Variants in PTBP3 observed in about 807,000 individuals in gnomAD.
PTBP3 encodes the protein polypyrimidine tract binding protein 3.
In PTBP3, 20 loss-of-function variants were observed where a neutral mutation model predicts 58.7. The observed-to-expected ratio is 0.34, with a 90% CI of 0.24 to 0.50. The LOEUF is 0.50. PTBP3 is among the 20% of genes least tolerant of loss of function. PTBP3 has a pLI of 0.98. For synonymous variants in PTBP3, 185 were observed against 219.8 expected (o/e 0.84, Z 1.40); for missense variants, 509 against 637.2 (o/e 0.80, Z 2.17).
chr9:112,355,285 C>T, the PTBP3 span, among the ~76,000 whole-genome samples: 1 of 152,138 alleles, frequency 6.6e-6, no homozygotes, highest in East Asian at 1.9e-4. Context: ...CATCAATGCT[C>T]TGAGAAAGAA....
the PTBP3 span, among the ~76,000 whole-genome samples, chr9:112,346,761 T>C: frequency 0.37 from 55,920 of 151,858 alleles, 10,485 homozygotes; most frequent in South Asian, 0.44. Context: ...CAGAGTCTCT[T>C]GATCTGTCAC....
chr9:112,244,291 A>C (rs1835786505), intron 7 of PTBP3, among the ~76,000 whole-genome samples: 1 of 132,444 alleles, frequency 7.6e-6, no homozygotes, highest in Non-Finnish European at 1.6e-5. Context: ...CTCTGTCTCA[A>C]AAAAAAAAAA....
At chr9:112,297,980 A>C in intron 1 of PTBP3, 64 bp from the exon 2 acceptor site, 2 of 1,275,814 alleles carry the variant, frequency 1.6e-6, no homozygotes, top group Non-Finnish European at 2.3e-6. Flanking sequence ...ATATTTACTA[A>C]AAGTATTAAA....
rs1242198772 is a variant in PTBP3, at chr9:112,221,364, T to A, written c.*2487A>T. 1.0e-6 allele frequency: 1 copy of A among 985,716 alleles called. No individual in the cohort carries two copies. Among genetic ancestry groups the A allele is most frequent in the Admixed American group, 6.2e-5 (1 of 16,260 alleles). The allele number at this position is 985,716 out of a possible 1,614,324, so 61.1% of individuals were successfully genotyped here. On this transcript the variant is annotated 3_prime_UTR_variant, in exon 14 of 14. Coordinates refer to ENST00000374257, the MANE Select transcript of PTBP3 (RefSeq NM_001163788.4). ...CTCTCAGACTTAAAAGGCCATTCCCTACTTCAAAGTTACATTCAACACCAC... is the reference window on the plus strand; with the variant it reads ...CTCTCAGACTTAAAAGGCCATTCCCAACTTCAAAGTTACATTCAACACCAC...
intron 3 of PTBP3, among the ~76,000 whole-genome samples, chr9:112,270,604 G>A (rs930687733): frequency 6.6e-6 from 1 of 152,026 alleles, no homozygotes; most frequent in African/African-American, 2.4e-5. Context: ...TAAAATAATG[G>A]GAAACCATGC....
chr9:112,352,891 T>G, the PTBP3 span, among the ~76,000 whole-genome samples: 2 of 152,164 alleles, frequency 1.3e-5, no homozygotes, highest in Admixed American at 6.5e-5. Context: ...TACCAATTAA[T>G]GACTTTCTTT....
At chr9:112,355,610 GAACTCT>G in the PTBP3 span, among the ~76,000 whole-genome samples, 1 of 150,676 alleles carries the variant, frequency 6.6e-6, no homozygotes, top group African/African-American at 2.4e-5. Context: ...AAATGGCTAA[GAACTCT>G]TTTTCTTTTT....
intron 1 of PTBP3, among the ~76,000 whole-genome samples, chr9:112,315,549 T>C (rs558253091): frequency 2.0e-5 from 3 of 152,244 alleles, no homozygotes; most frequent in South Asian, 4.1e-4. Flanking sequence ...TGAGCTATGA[T>C]AGCGCCACTG....
intron 1 of PTBP3, among the ~76,000 whole-genome samples, chr9:112,319,742 T>G (rs1829845803): frequency 6.6e-6 from 1 of 152,196 alleles, no homozygotes; most frequent in Non-Finnish European, 1.5e-5. Flanking sequence ...CATTGCAGAA[T>G]TATTCACAAT....
At chr9:112,350,074 TA>T in the PTBP3 span, among the ~76,000 whole-genome samples, 1 of 152,122 alleles carries the variant, frequency 6.6e-6, no homozygotes, top group South Asian at 2.1e-4. Context: ...TAAAGATTTT[TA>T]AATTTTTAAA....
rs1341386115 is a variant in PTBP3, at chr9:112,306,604, A to ATATATT, written c.-51-8689_-51-8688insAATATA. Among the ~76,000 whole-genome samples the ATATATT allele has an allele frequency of 1.9e-3, 199 of 103,992 alleles. 1 individual carries two copies. Among genetic ancestry groups the ATATATT allele is most frequent in the South Asian group, 6.5e-3 (23 of 3,542 alleles). 68.2% of individuals were successfully genotyped at this position (103,992 alleles called of 152,430 possible). A position where few individuals can be genotyped will look rare whatever the true frequency, so the allele number is the denominator to read the frequency against. On this transcript the variant is annotated intron_variant, in intron 1 of 13. Transcript: ENST00000374257. The stretch of plus-strand genomic sequence containing the variant: ...TAAATTTGTATATATATATATATAT[A>ATATATT]TTTTTGTTTGTTTGTTTGTTTGTTT...
At chr9:112,239,543 A>C (rs1241030256) in intron 7 of PTBP3, among the ~76,000 whole-genome samples, 8 of 151,946 alleles carry the variant, frequency 5.3e-5, no homozygotes, top group Admixed American at 4.6e-4. Flanking sequence ...AAGCCTGGAA[A>C]ACATAGTGAG....
the PTBP3 span, among the ~76,000 whole-genome samples, chr9:112,348,369 T>C: frequency 1.6e-3 from 242 of 152,380 alleles, no homozygotes; most frequent in Non-Finnish European, 2.5e-3. Flanking sequence ...TATCTGGAGT[T>C]GGGCCAGTGG....
chr9:112,231,838 G>A (rs1459681473), intron 9 of PTBP3, among the ~76,000 whole-genome samples: 1 of 151,698 alleles, frequency 6.6e-6, no homozygotes, highest in African/African-American at 2.4e-5. Context: ...AGCCCAGGAA[G>A]CAGAGGTCAC....
intron 10 of PTBP3, among the ~76,000 whole-genome samples, chr9:112,230,671 A>T (rs1005339468): frequency 2.6e-5 from 4 of 152,224 alleles, no homozygotes; most frequent in African/African-American, 9.6e-5. Flanking sequence ...TCAAAATGAA[A>T]ACAAGGATTT....
At chr9:112,379,700 G>C in the PTBP3 span, among the ~76,000 whole-genome samples, 1 of 152,228 alleles carries the variant, frequency 6.6e-6, no homozygotes, top group East Asian at 1.9e-4. Context: ...AGAAGACCCA[G>C]AGCTAACGCA....
At chr9:112,376,197 ACGTGTG>A in the PTBP3 span, among the ~76,000 whole-genome samples, 11,381 of 111,234 alleles carry the variant, frequency 0.1, 1,066 homozygotes, top group East Asian at 0.15. Flanking sequence ...TTCCTTATAT[ACGTGTG>A]TGTGTGTGTG....
In PTBP3 at chr9:112,247,246, A is replaced by G. The variant is rs367583926; in HGVS notation, c.802+3683T>C. On this transcript the variant is annotated intron_variant, in intron 7 of 13. Transcript: ENST00000374257. Reference sequence around the variant, plus strand: ...ACATCACTGCACTTCAGCCTGGGCAACAGATTAAGTCCCTGTTTCAATAAT... The same window carrying G: ...ACATCACTGCACTTCAGCCTGGGCAGCAGATTAAGTCCCTGTTTCAATAAT... 9.3e-4 allele frequency among the ~76,000 whole-genome samples: 139 copies of G among 150,130 alleles called. 1 individual carries two copies. The highest frequency in any genetic ancestry group is 4.9e-3 in the South Asian group (23 of 4,688).
intron 1 of PTBP3, chr9:112,332,941 C>G: frequency 2.0e-6 from 3 of 1,508,484 alleles, no homozygotes; most frequent in South Asian, 1.3e-5. Context: ...GCCCTGGGAC[C>G]CCGCGTGGGA....
Sources: allele counts gnomAD v4.1 joint callset (sites outside exome capture counted in the v4.1 genomes callset), GRCh38; gene constraint gnomAD v4.1.1; transcripts MANE v1.5; gene names NCBI Gene and HGNC (gene_info 2026-07-23, HGNC 2026-07-21).